Variants in PPFIA2 observed in about 807,000 individuals in gnomAD.
PPFIA2 encodes liprin-alpha-2.
In PPFIA2, 46 loss-of-function variants were observed where a neutral mutation model predicts 175.5. The observed-to-expected ratio is 0.26, with a 90% CI of 0.21 to 0.34. The LOEUF is 0.34. Ranked by LOEUF, PPFIA2 falls within the 10% of genes least tolerant of loss-of-function variation. The pLI is 1.00. For missense variants in PPFIA2, 1,179 were observed against 1,506.1 expected, an observed-to-expected ratio of 0.78 and a Z score of 3.60; for synonymous variants, 568 against 511.4, an observed-to-expected ratio of 1.11 and a Z score of -1.49.
Position 81,341,162 on chromosome 12 carries a change from T to C in PPFIA2, c.2309A>G (p.Lys770Arg). The change falls in exon 20 of 33, where the codon AAA becomes AGA. Residue 770 changes from lysine (K) to arginine (R), a missense_variant. Physicochemically the swap from Lys to Arg is conservative, Grantham distance 26. Around this residue, in one of 10 missense-constraint regions of PPFIA2, gnomAD observed 223 missense variants for 241.6 expected, o/e 0.92. Coordinates refer to ENST00000549396, the MANE Select transcript of PPFIA2 (RefSeq NM_003625.5). ...EDGREDKATI[K>R]CETSPPPTPR... ...GGTAGGAGGAGGAGAAGTTTCACAT[T>C]TAATTGTTGCTTTGTCCTCTCGACC... The C allele has an allele frequency of 6.2e-7, 1 of 1,612,216 alleles. No homozygotes were observed. Among genetic ancestry groups the C allele is most frequent in the East Asian group, 2.2e-5 (1 of 44,812 alleles).
chr12:81,620,171 A>G (rs1595695837), intron 4 of PPFIA2, among the ~76,000 whole-genome samples: 1 of 150,824 alleles, frequency 6.6e-6, no homozygotes, highest in East Asian at 1.9e-4. Flanking sequence ...AAAAAAAAAA[A>G]AAAAAAAAAA....
At chr12:81,718,976 T>C (rs1305012527) in intron 3 of PPFIA2, among the ~76,000 whole-genome samples, 1 of 151,704 alleles carries the variant, frequency 6.6e-6, no homozygotes, top group African/African-American at 2.4e-5. Flanking sequence ...AAGATGACTA[T>C]AGCTCCATAA....
At chr12:81,350,657 G>T (rs1434103762) in intron 17 of PPFIA2, among the ~76,000 whole-genome samples, 1 of 152,066 alleles carries the variant, frequency 6.6e-6, no homozygotes, top group South Asian at 2.1e-4. Context: ...AAAAAGTGTG[G>T]TTGGTATCCT....
chr12:81,707,645 C>T (rs979066431), intron 3 of PPFIA2, among the ~76,000 whole-genome samples: 5 of 149,202 alleles, frequency 3.4e-5, no homozygotes, highest in African/African-American at 4.9e-5. Context: ...CTAGAAATAC[C>T]GTTTGACCCA....
intron 3 of PPFIA2, among the ~76,000 whole-genome samples, chr12:81,707,144 T>C (rs1225106759): frequency 6.6e-6 from 1 of 152,028 alleles, no homozygotes. Flanking sequence ...CCAAAAGCAA[T>C]GGCAACAAAA....
intron 7 of PPFIA2, among the ~76,000 whole-genome samples, chr12:81,407,689 C>T (rs1054853372): frequency 6.6e-6 from 1 of 152,060 alleles, no homozygotes; most frequent in Non-Finnish European, 1.5e-5. Flanking sequence ...TTACACAGAA[C>T]TGAGGAATTT....
chr12:81,354,977 A>C (rs2060649591), intron 16 of PPFIA2, among the ~76,000 whole-genome samples: 1 of 152,138 alleles, frequency 6.6e-6, no homozygotes. Flanking sequence ...CATGAGTCAT[A>C]AATGTTCTTA....
At chr12:81,631,573 G>A (rs919978106) in intron 4 of PPFIA2, among the ~76,000 whole-genome samples, 8 of 152,106 alleles carry the variant, frequency 5.3e-5, no homozygotes, top group East Asian at 1.9e-4. Flanking sequence ...CAAAGTATAC[G>A]TTTTTCATTC....
chr12:81,637,015 T>G (rs1382150306), intron 4 of PPFIA2, among the ~76,000 whole-genome samples: 1 of 152,050 alleles, frequency 6.6e-6, no homozygotes, highest in Non-Finnish European at 1.5e-5. Context: ...AACCATTCAT[T>G]GTTGTATAAC....
At chr12:81,655,333 T>C (rs1381027736) in intron 4 of PPFIA2, among the ~76,000 whole-genome samples, 2 of 151,754 alleles carry the variant, frequency 1.3e-5, no homozygotes, top group East Asian at 3.9e-4. Context: ...TTTTTCTATA[T>C]ATTTTAGGTT....
chr12:81,482,058 C>G (rs1199739394), intron 4 of PPFIA2, among the ~76,000 whole-genome samples: 3 of 151,794 alleles, frequency 2.0e-5, no homozygotes, highest in Admixed American at 2.0e-4. Context: ...AGAAACAACC[C>G]CATCAAAAAG....
At chr12:81,527,087 T>C (rs1037164419) in intron 4 of PPFIA2, among the ~76,000 whole-genome samples, 4 of 152,122 alleles carry the variant, frequency 2.6e-5, no homozygotes, top group African/African-American at 9.7e-5. Flanking sequence ...AATGATACAA[T>C]AAAAATATTC....
rs975732789 is a variant in PPFIA2, at chr12:81,371,529, G to T, written c.1267-2335C>A. ...TTAGAGGTCTTTAAAACTTCTAGTT[G>T]TTTCTGTTTACTTATTAAAAACACA... is the stretch of plus-strand genomic sequence containing the variant. On this transcript the variant is annotated intron_variant, in intron 11 of 32. Transcript: ENST00000549396. 2.0e-5 allele frequency among the ~76,000 whole-genome samples: 3 copies of T among 151,260 alleles called. No homozygotes were observed. The Admixed American group carries it at 2.0e-4, about 10-fold the overall frequency.
chr12:81,445,783 A>C, intron 5 of PPFIA2, 63 bp from the exon 6 acceptor site: 1 of 1,474,114 alleles, frequency 6.8e-7, no homozygotes, highest in African/African-American at 1.4e-5. Flanking sequence ...CTTACAAATG[A>C]CTTCCCCCTT....
At chr12:81,710,936 A>G (rs916078091) in intron 3 of PPFIA2, among the ~76,000 whole-genome samples, 10 of 151,414 alleles carry the variant, frequency 6.6e-5, no homozygotes, top group African/African-American at 2.4e-4. Flanking sequence ...TTTGCTACTT[A>G]GAAGTAAAAT....
At chr12:81,605,217 A>AT (rs1400849221) in intron 4 of PPFIA2, among the ~76,000 whole-genome samples, 39 of 151,862 alleles carry the variant, frequency 2.6e-4, no homozygotes, top group Admixed American at 2.0e-3. Context: ...AAAGCTCAAA[A>AT]TTTTGCTAAA....
At chr12:81,356,401 G>T (rs2060857473) in intron 16 of PPFIA2, among the ~76,000 whole-genome samples, 1 of 152,040 alleles carries the variant, frequency 6.6e-6, no homozygotes, top group Non-Finnish European at 1.5e-5. Flanking sequence ...AGTGGTTCAC[G>T]CTTATAATCC....
At chr12:81,629,117 A>T (rs2063065563) in intron 4 of PPFIA2, among the ~76,000 whole-genome samples, 1 of 152,172 alleles carries the variant, frequency 6.6e-6, no homozygotes, top group Non-Finnish European at 1.5e-5. Context: ...AATGAACATA[A>T]ATGAGATCAT....
At chr12:81,551,284 C>T (rs1478065152) in intron 4 of PPFIA2, among the ~76,000 whole-genome samples, 2 of 151,786 alleles carry the variant, frequency 1.3e-5, no homozygotes, top group Non-Finnish European at 2.9e-5. Flanking sequence ...GAAACATGGA[C>T]TATATGTTTT....
Sources: gnomAD v4.1 joint callset for allele counts (sites outside exome capture counted in the v4.1 genomes callset) on GRCh38, gnomAD v4.1.1 for gene constraint, gnomAD v4.1.1 regional missense constraint, MANE v1.5 for transcripts, NCBI Gene and HGNC (gene_info 2026-07-23, HGNC 2026-07-21) for gene names.